The following PTGER3 variants were observed in gnomAD, a reference collection of about 807,000 sequenced individuals.
The protein encoded by PTGER3 is prostaglandin E2 receptor EP3 subtype.
PTGER3 carries 22 observed loss-of-function variants against 34.7 expected under a neutral mutation model. The ratio of observed to expected loss-of-function variants is 0.63; its 90% CI spans 0.45 to 0.91. The LOEUF (loss-of-function observed/expected upper bound fraction) is 0.91, where lower values mean the gene tolerates loss of function less well. PTGER3 is among the 40% of genes least tolerant of loss of function. PTGER3 has a pLI of 0.00. For synonymous variants in PTGER3, 241 were observed against 230.1 expected (o/e 1.05, Z -0.43); for missense variants, 468 against 519.4 (o/e 0.90, Z 0.96).
intron 4 of PTGER3, among the ~76,000 whole-genome samples, chr1:70,938,703 AACCCCTG>A (rs1557669705): frequency 5.3e-5 from 8 of 152,098 alleles, no homozygotes; most frequent in African/African-American, 1.7e-4. Flanking sequence ...CAAAAGTGGA[AACCCCTG>A]ATAAACCCAT....
At chr1:70,964,240 A>G (rs1041981881) in intron 2 of PTGER3, among the ~76,000 whole-genome samples, 1 of 151,978 alleles carries the variant, frequency 6.6e-6, no homozygotes, top group Admixed American at 6.5e-5. Context: ...ACATTTTCCT[A>G]TCTTCTGAGC....
At chr1:70,921,880 T>A (rs1245016654) in intron 4 of PTGER3, among the ~76,000 whole-genome samples, 1 of 152,188 alleles carries the variant, frequency 6.6e-6, no homozygotes, top group Non-Finnish European at 1.5e-5. Context: ...GAAAGAGCTT[T>A]GATTGATTGG....
intron 4 of PTGER3, among the ~76,000 whole-genome samples, chr1:70,901,579 G>A (rs1187609445): frequency 6.6e-6 from 1 of 152,118 alleles, no homozygotes; most frequent in Non-Finnish European, 1.5e-5. Flanking sequence ...ATGCTGCACT[G>A]GCACCATGAT....
intron 2 of PTGER3, among the ~76,000 whole-genome samples, chr1:71,001,540 C>T (rs566782074): frequency 6.6e-6 from 1 of 151,924 alleles, no homozygotes; most frequent in South Asian, 2.1e-4. Flanking sequence ...AGAATCTATA[C>T]TTTTGAGTCT....
chr1:70,980,045 GGGGAGTTGAGGTTTCATAA>G (rs1271767780), intron 2 of PTGER3, among the ~76,000 whole-genome samples: 1 of 23,356 alleles, frequency 4.3e-5, no homozygotes, highest in African/African-American at 1.5e-4. Flanking sequence ...AAGTAATTGA[GGGGAGTTGAGGTTTCATAA>G]GGAAGTGCAG....
intron 4 of PTGER3, among the ~76,000 whole-genome samples, chr1:70,931,702 G>A (rs1287393339): frequency 1.3e-5 from 2 of 152,176 alleles, no homozygotes; most frequent in Non-Finnish European, 2.9e-5. Flanking sequence ...GAACAGCTTG[G>A]ATGCAGAGCA....
At chr1:70,979,249 C>T (rs1228378710) in intron 2 of PTGER3, among the ~76,000 whole-genome samples, 1 of 151,250 alleles carries the variant, frequency 6.6e-6, no homozygotes, top group Non-Finnish European at 1.5e-5. Context: ...ATTTCTTCTA[C>T]ATTTTTTATA....
intron 4 of PTGER3, among the ~76,000 whole-genome samples, chr1:70,891,675 T>A (rs561537034): frequency 6.6e-6 from 1 of 152,346 alleles, no homozygotes; most frequent in East Asian, 1.9e-4. Context: ...AGCTGTGTTC[T>A]TGATACAGTC....
intron 4 of PTGER3, among the ~76,000 whole-genome samples, chr1:70,883,321 A>G (rs925862393): frequency 6.6e-6 from 1 of 152,348 alleles, no homozygotes; most frequent in Admixed American, 6.5e-5. Context: ...AAATCTTATT[A>G]ACACATTCAT....
chr1:71,041,534 A>G (rs1660312767), intron 1 of PTGER3, among the ~76,000 whole-genome samples: 1 of 152,304 alleles, frequency 6.6e-6, no homozygotes, highest in South Asian at 2.1e-4. Context: ...TACTTAGGGG[A>G]CAAGATATAA....
chr1:70,865,645 T>G lies in PTGER3; in HGVS notation c.*24-12786A>C, dbSNP rs748152374. On this transcript the variant is annotated intron_variant, in intron 4 of 4. Transcript: ENST00000370931. Reference sequence around the variant, plus strand: ...TTTCATTAGAGATAGGCTGACTTCCTGGGTAAAAAGTCCTGTACTTGGCAA... The same window carrying G: ...TTTCATTAGAGATAGGCTGACTTCCGGGGTAAAAAGTCCTGTACTTGGCAA... The G allele has an allele frequency of 3.0e-6, 4 of 1,355,286 alleles. No homozygotes were observed. In the Admixed American group the frequency reaches 7.7e-5, roughly 26 times the overall value. The allele number at this position is 1,355,286 out of a possible 1,614,324, so 84.0% of individuals were successfully genotyped here.
chr1:70,924,241 C>G (rs974530018), intron 4 of PTGER3, among the ~76,000 whole-genome samples: 1 of 151,972 alleles, frequency 6.6e-6, no homozygotes, highest in Non-Finnish European at 1.5e-5. Flanking sequence ...AAGCTTATGG[C>G]AAATATTTAT....
intron 4 of PTGER3, among the ~76,000 whole-genome samples, chr1:70,923,643 A>AT (rs1647771443): frequency 1.3e-5 from 2 of 152,286 alleles, no homozygotes; most frequent in South Asian, 4.1e-4. Context: ...AATCTTTTAA[A>AT]TTTTTCTTAA....
intron 2 of PTGER3, among the ~76,000 whole-genome samples, chr1:70,988,269 A>G (rs1035467580): frequency 6.6e-6 from 1 of 152,216 alleles, no homozygotes; most frequent in Admixed American, 6.5e-5. Context: ...GGAAGTTTTA[A>G]AAGTCATGCA....
At chr1:70,977,107 C>A (rs373391527) in intron 2 of PTGER3, among the ~76,000 whole-genome samples, 2 of 152,074 alleles carry the variant, frequency 1.3e-5, no homozygotes, top group East Asian at 1.9e-4. Context: ...TATTTAACTG[C>A]GTATTTGGAG....
chr1:71,042,053 A>G (rs1299304770), intron 1 of PTGER3, among the ~76,000 whole-genome samples: 4 of 152,090 alleles, frequency 2.6e-5, no homozygotes, highest in Non-Finnish European at 4.4e-5. Context: ...GCTTGTTCAA[A>G]AGAGAAGGGC....
At position 71,046,990 on chromosome 1, in the gene PTGER3, C is replaced by T. The variant is rs774519627; in HGVS notation, c.588G>A (p.Val196=). ...CGGGCCACTGGACGGTGTACTGGCC[C>T]ACGCCCAGCACCGGCAGCAGGGCGA... ...LAFALLPVLG[V]GQYTVQWPGT... is the part of the protein sequence containing the mutation. The change falls in exon 1 of 4, where the codon GTG becomes GTA. Residue 196 remains valine, a synonymous_variant. Coordinates refer to ENST00000306666, the MANE Select transcript of PTGER3 (RefSeq NM_198719.2). 21 of 1,611,432 alleles carry T rather than the reference C, an allele frequency of 1.3e-5. No individual in the cohort carries two copies. The highest frequency in any genetic ancestry group is 1.2e-4 in the Admixed American group (7 of 59,892).
chr1:70,852,767 T>C (rs958714184), exon 5 of PTGER3: 35 of 1,552,954 alleles, frequency 2.3e-5, no homozygotes, highest in Non-Finnish European at 2.8e-5. Context: ...GGTGTTTCTG[T>C]GATTTTTTTT....
intron 1 of PTGER3, among the ~76,000 whole-genome samples, chr1:71,016,578 G>A (rs1657917721): frequency 6.6e-6 from 1 of 152,106 alleles, no homozygotes; most frequent in African/African-American, 2.4e-5. Flanking sequence ...CGAGGCAGAT[G>A]GATCCCCTGA....
Sources: gnomAD v4.1 joint callset for allele counts (sites outside exome capture counted in the v4.1 genomes callset) on GRCh38, gnomAD v4.1.1 for gene constraint, MANE v1.5 for transcripts, NCBI Gene and HGNC (gene_info 2026-07-23, HGNC 2026-07-21) for gene names.